DNAJC7: variants seen among roughly 807,000 people sequenced by gnomAD.
The protein encoded by DNAJC7 is dnaJ homolog subfamily C member 7.
A neutral mutation model predicts 67.4 loss-of-function variants in DNAJC7; 18 were observed. The observed-to-expected ratio is 0.27, with a 90% CI of 0.18 to 0.40. DNAJC7 has a LOEUF of 0.40. Among genes scored for constraint, DNAJC7 ranks in the 10% least tolerant of loss-of-function variants. The pLI, the probability that DNAJC7 is intolerant of heterozygous loss-of-function variation, is 1.00. For synonymous variants in DNAJC7, 220 were observed against 207.8 expected, an observed-to-expected ratio of 1.06 and a Z score of -0.50; for missense variants, 419 against 613.8, an observed-to-expected ratio of 0.68 and a Z score of 3.35.
rs2051263428 is a variant in DNAJC7 at position 41,981,973 on chromosome 17, C to T, written c.1266G>A (p.Lys422=). ...CTTCCTTGAACTTCTTCTCCTCCTCCTTCTGAACCTCAGCACTGGCTCCAC... is the reference window on the plus strand; with the variant it reads ...CTTCCTTGAACTTCTTCTCCTCCTCTTTCTGAACCTCAGCACTGGCTCCAC... ...RHSGASAEVQ[K]EEEKKFKEVG... The change falls in exon 12 of 14, where the codon AAG becomes AAA. Residue 422 remains lysine (K), a synonymous_variant. Transcript: ENST00000457167. 6.2e-7 allele frequency: 1 copy of T among 1,614,046 alleles called. No individual in the cohort carries two copies. The highest frequency in any genetic ancestry group is 8.5e-7 in the Non-Finnish European group (1 of 1,179,906).
rs782644045 is a variant in DNAJC7 at position 41,990,426 on chromosome 17, C to T, written c.481-44G>A. ...CAAATAAGGCTCTTCATCAGGGACTCCAGAAACATCTTCACTTTAGTTTAG... is the reference window on the plus strand; with the variant it reads ...CAAATAAGGCTCTTCATCAGGGACTTCAGAAACATCTTCACTTTAGTTTAG... On this transcript the variant is annotated intron_variant, in intron 5 of 13. Coordinates refer to ENST00000457167, the MANE Select transcript of DNAJC7 (RefSeq NM_003315.4). The T allele has an allele frequency of 5.4e-6, 8 of 1,489,310 alleles. No individual in the cohort carries two copies. In the South Asian group the frequency reaches 9.6e-5, roughly 18 times the overall value. 92.3% of individuals were successfully genotyped at this position (1,489,310 alleles called of 1,614,324 possible).
chr17:41,989,539 A>G lies in DNAJC7; in HGVS notation c.618T>C (p.Asp206=). The change falls in exon 7 of 14, where the codon GAT becomes GAC. Residue 206 remains aspartate, a synonymous_variant. Transcript: ENST00000457167. The stretch of plus-strand genomic sequence containing the variant: ...CATACAGAGCATCTGCATTGGTGGA[A>G]TCCATTCGTAGAATGTCACTGCAAT... ...QSVASDILRM[D]STNADALYVR... 6.2e-7 allele frequency: 1 copy of G among 1,614,010 alleles called. No individual in the cohort carries two copies. Among genetic ancestry groups the G allele is most frequent in the Non-Finnish European group, 8.5e-7 (1 of 1,179,890 alleles).
At position 41,981,821 on chromosome 17, in the gene DNAJC7, T is replaced by G. The variant is rs782124501; in HGVS notation, c.1384+34A>C. 5.6e-6 allele frequency: 9 copies of G among 1,606,704 alleles called. No homozygotes were observed. In the South Asian group the frequency reaches 1.0e-4, roughly 18 times the overall value. ...AAAAAATTCTAACATTCTACAGCTG[T>G]CAAATTCATCCCAGGCTGCCCCAGC... On this transcript the variant is annotated intron_variant, in intron 12 of 13. Coordinates refer to ENST00000457167, the MANE Select transcript of DNAJC7 (RefSeq NM_003315.4).
At chr17:41,987,378 G>T (rs2143162493) in intron 9 of DNAJC7, 1 of 153,604 alleles carries the variant, frequency 6.5e-6, no homozygotes, top group East Asian at 1.9e-4. Context: ...GAACAAACAG[G>T]ATGAAGTACA....
chr17:42,006,818 A>AAAAAAAC lies in DNAJC7; in HGVS notation c.78-6249_78-6248insGTTTTTT, dbSNP rs2051975582. On this transcript the variant is annotated intron_variant, in intron 1 of 13. Coordinates refer to ENST00000457167, the MANE Select transcript of DNAJC7 (RefSeq NM_003315.4). Reference sequence around the variant, plus strand: ...TCTCAAAAAAAAAAAAAAAAAAAAAAGTCCAGGCACGGTGGCTCACGCCTA... The same window carrying AAAAAAAC: ...TCTCAAAAAAAAAAAAAAAAAAAAAAAAAAAACGTCCAGGCACGGTGGCTCACGCCTA... Among the ~76,000 whole-genome samples, 13 of 138,050 alleles carry AAAAAAAC rather than the reference A, an allele frequency of 9.4e-5. No homozygotes were observed. The South Asian group carries it at 2.3e-3, about 24-fold the overall frequency. 90.6% of individuals were successfully genotyped at this position (138,050 alleles called of 152,430 possible). A position where few individuals can be genotyped will look rare whatever the true frequency, so the allele number is the denominator to read the frequency against.
intron 5 of DNAJC7, among the ~76,000 whole-genome samples, chr17:41,991,092 G>A (rs2051501831): frequency 6.6e-6 from 1 of 152,178 alleles, no homozygotes; most frequent in African/African-American, 2.4e-5. Flanking sequence ...TACTCTTTCA[G>A]CCTCATAAAG....
chr17:41,979,953 T>C lies in DNAJC7; in HGVS notation c.1384+1902A>G, dbSNP rs2051204440. ...TCCAGCCTGGGTGACACAGCAAGAC[T>C]CCGTCTCAAAAAACAAAACAAAACA... On this transcript the variant is annotated intron_variant, in intron 12 of 13. Transcript: ENST00000457167. Among the ~76,000 whole-genome samples the C allele has an allele frequency of 3.3e-5, 5 of 151,416 alleles. No homozygotes were observed. In the South Asian group the frequency reaches 1.0e-3, roughly 32 times the overall value.
At chr17:41,995,974 T>C (rs949764305) in intron 4 of DNAJC7, among the ~76,000 whole-genome samples, 1 of 152,224 alleles carries the variant, frequency 6.6e-6, no homozygotes, top group African/African-American at 2.4e-5. Flanking sequence ...GCCTGGCTAA[T>C]GTAAAAAATT....
chr17:42,016,938 G>A, intron 1 of DNAJC7: 1 of 1,144,708 alleles, frequency 8.7e-7, no homozygotes, highest in Non-Finnish European at 1.1e-6. Flanking sequence ...TTTTGGAGAC[G>A]GAAAGTGCAG....
Position 41,976,591 on chromosome 17 carries a change from A to G in DNAJC7, c.*142T>C. ...GTTCCCTTTGCTCCACCCCACTCAC[A>G]GAGACACAGGGCATCCAACTGAGAA... is the stretch of plus-strand genomic sequence containing the variant. On this transcript the variant is annotated 3_prime_UTR_variant, in exon 14 of 14. Coordinates refer to ENST00000457167, the MANE Select transcript of DNAJC7 (RefSeq NM_003315.4). 7 of 1,081,204 alleles carry G rather than the reference A, an allele frequency of 6.5e-6. No homozygotes were observed. Among genetic ancestry groups the G allele is most frequent in the Non-Finnish European group, 7.8e-6 (6 of 767,208 alleles). The allele number at this position is 1,081,204 out of a possible 1,614,324, so 67.0% of individuals were successfully genotyped here. A position where few individuals can be genotyped will look rare whatever the true frequency, so the allele number is the denominator to read the frequency against.
rs962234580 is a variant in DNAJC7, at chr17:41,978,459, T to G, written c.1385-1136A>C. Among the ~76,000 whole-genome samples the G allele has an allele frequency of 3.3e-5, 5 of 152,314 alleles. No individual in the cohort carries two copies. The East Asian group carries it at 9.6e-4, about 29-fold the overall frequency. ...TGCCCTCCAATCCTTTCCTACCTTT[T>G]GTGTCTTCCTTCCATCTCCATTCTC... On this transcript the variant is annotated intron_variant, in intron 12 of 13. Transcript: ENST00000457167.
chr17:41,993,377 T>C (rs1313279517), intron 5 of DNAJC7, among the ~76,000 whole-genome samples: 1 of 152,154 alleles, frequency 6.6e-6, no homozygotes, highest in African/African-American at 2.4e-5. Context: ...GAGAATGGCA[T>C]GAACCCAGGA....
chr17:41,995,759 A>C (rs1441939755), intron 4 of DNAJC7, among the ~76,000 whole-genome samples: 1 of 152,230 alleles, frequency 6.6e-6, no homozygotes, highest in Non-Finnish European at 1.5e-5. Flanking sequence ...GATGGAACTA[A>C]AACATGTTTT....
At chr17:42,010,580 C>G (rs1195227582) in intron 1 of DNAJC7, among the ~76,000 whole-genome samples, 4 of 151,930 alleles carry the variant, frequency 2.6e-5, no homozygotes, top group Non-Finnish European at 4.4e-5. Context: ...GGGGAGGAGC[C>G]TGGATTGTCA....
chr17:41,991,682 G>C (rs1482304457), intron 5 of DNAJC7, among the ~76,000 whole-genome samples: 1 of 152,098 alleles, frequency 6.6e-6, no homozygotes, highest in Admixed American at 6.6e-5. Flanking sequence ...TCTAACTTTT[G>C]TTTGTTTTGT....
At chr17:41,999,798 C>T (rs1377265645) in intron 2 of DNAJC7, among the ~76,000 whole-genome samples, 3 of 152,178 alleles carry the variant, frequency 2.0e-5, no homozygotes, top group African/African-American at 7.2e-5. Flanking sequence ...GGATTATAGG[C>T]GTGAGCCACT....
At position 41,988,798 on chromosome 17, in the gene DNAJC7, C is replaced by G. The variant is rs1439563352; in HGVS notation, c.852G>C (p.Gly284=). ...TTGTTTTTATATTGTTGGGGTCTAT[C>G]CCCAGGGCTTCTGTGTACAGTTCAT... The part of the protein sequence containing the change: ...LAYELYTEAL[G]IDPNNIKTNA... The change falls in exon 8 of 14, where the codon GGG becomes GGC. Residue 284 remains glycine, a synonymous_variant. Transcript: ENST00000457167. 2 of 1,613,590 alleles carry G rather than the reference C, an allele frequency of 1.2e-6. No homozygotes were observed. The highest frequency in any genetic ancestry group is 1.7e-6 in the Non-Finnish European group (2 of 1,179,780).
chr17:41,996,985 A>G (rs1180756919), intron 3 of DNAJC7, 130 bp downstream of exon 3: 3 of 1,420,132 alleles, frequency 2.1e-6, no homozygotes, highest in South Asian at 1.4e-5. Context: ...CACAGTGCAC[A>G]GTAAAGTCCC....
At chr17:42,008,675 G>C (rs1555650695) in intron 1 of DNAJC7, among the ~76,000 whole-genome samples, 1 of 152,110 alleles carries the variant, frequency 6.6e-6, no homozygotes, top group Non-Finnish European at 1.5e-5. Context: ...CTCCCAAAGT[G>C]CTGGGATTAC....
Sources: allele counts gnomAD v4.1 joint callset (sites outside exome capture counted in the v4.1 genomes callset), GRCh38; gene constraint gnomAD v4.1.1; transcripts MANE v1.5; gene names NCBI Gene and HGNC (gene_info 2026-07-23, HGNC 2026-07-21).